LPIN2: variants seen among roughly 807,000 people sequenced by gnomAD.
LPIN2 encodes lipin 2, also known as phosphatidate phosphatase LPIN2.
In LPIN2, 55 loss-of-function variants were observed where a neutral mutation model predicts 111.4. The ratio of observed to expected loss-of-function variants is 0.49; its 90% confidence interval spans 0.40 to 0.62. LPIN2 has a LOEUF of 0.62. Ranked by LOEUF, LPIN2 falls within the 20% of genes least tolerant of loss-of-function variation. The pLI is 0.00. For missense variants in LPIN2, 992 were observed against 1,112.1 expected, an observed-to-expected ratio of 0.89 and a Z score of 1.54; for synonymous variants, 425 against 414.0, an observed-to-expected ratio of 1.03 and a Z score of -0.32.
At chr18:2,966,904 G>A (rs2077812836) in intron 1 of LPIN2, 2 of 152,138 alleles carry the variant, frequency 1.3e-5, no homozygotes, top group African/African-American at 4.8e-5. Context: ...ATGGACATGA[G>A]GAGTATGCTA....
intron 3 of LPIN2, among the ~76,000 whole-genome samples, chr18:2,953,257 T>TA (rs1195045321): frequency 1.3e-5 from 2 of 152,200 alleles, no homozygotes; most frequent in African/African-American, 4.8e-5. Flanking sequence ...AAAACGAGGT[T>TA]AACATCAATA....
Position 2,921,619 on chromosome 18 carries a change from A to C in LPIN2, c.2356T>G (p.Phe786Val). ...REVIEKKPEK[F>V]KIECLNDIKN... ...ATATCATTTAGACACTCAATTTTGAACTTCTCTGGTTTCTTTTCTATCACT... is the reference window on the plus strand; with the variant it reads ...ATATCATTTAGACACTCAATTTTGACCTTCTCTGGTTTCTTTTCTATCACT... Residue 786 changes from phenylalanine (F) to valine (V), a missense_variant, in exon 18 of 20, where the codon TTC (phenylalanine) becomes GTC (valine). Transcript: ENST00000677752. 1 of 1,613,368 alleles carries C rather than the reference A, an allele frequency of 6.2e-7. No homozygotes were observed. Among genetic ancestry groups the C allele is most frequent in the Non-Finnish European group, 8.5e-7 (1 of 1,179,280 alleles).
chr18:2,925,645 C>T lies in LPIN2; in HGVS notation c.1794-277G>A, dbSNP rs2077120168. 6.6e-6 allele frequency among the ~76,000 whole-genome samples: 1 copy of T among 152,184 alleles called. No homozygotes were observed. The highest frequency in any genetic ancestry group is 6.5e-5 in the Admixed American group (1 of 15,288). ...GTGAATGCTAGAAGGTCTACTGACT[C>T]TTGTTGAAGAGGGTATGTATGTTTC... On this transcript the variant is annotated intron_variant, in intron 13 of 19. Transcript: ENST00000677752. This position sits in a 1 kb window ranked among gnomAD's most constrained non-coding sequence, Gnocchi z 4.1.
intron 4 of LPIN2, among the ~76,000 whole-genome samples, chr18:2,947,797 C>T (rs1261403226): frequency 6.6e-6 from 1 of 152,246 alleles, no homozygotes; most frequent in Non-Finnish European, 1.5e-5. Flanking sequence ...GTCCTCACAA[C>T]TGCAAAAGCA....
intron 7 of LPIN2, among the ~76,000 whole-genome samples, chr18:2,937,375 C>A (rs574968344): frequency 6.6e-6 from 1 of 151,978 alleles, no homozygotes; most frequent in African/African-American, 2.4e-5. Context: ...GAAATGCCAT[C>A]TCTATTAAAA....
chr18:2,985,982 G>A (rs1037176706), intron 1 of LPIN2, among the ~76,000 whole-genome samples: 16 of 152,130 alleles, frequency 1.1e-4, no homozygotes, highest in African/African-American at 3.9e-4. Context: ...AAGAACCTAA[G>A]TGCATTTCTG....
chr18:2,926,108 C>T (rs981043129), intron 13 of LPIN2, among the ~76,000 whole-genome samples: 2 of 152,150 alleles, frequency 1.3e-5, no homozygotes, highest in East Asian at 3.9e-4. Context: ...CTGAGTGACA[C>T]AGTGAGACTC....
At chr18:3,010,785 A>G (rs898474589) in intron 1 of LPIN2, among the ~76,000 whole-genome samples, 2 of 152,240 alleles carry the variant, frequency 1.3e-5, no homozygotes, top group Non-Finnish European at 2.9e-5. Context: ...GTGCTGATAT[A>G]TATTAGGAAA....
intron 1 of LPIN2, among the ~76,000 whole-genome samples, chr18:2,997,063 C>A (rs2078356750): frequency 6.6e-6 from 1 of 151,426 alleles, no homozygotes; most frequent in South Asian, 2.1e-4. Context: ...CTCATTGCAA[C>A]CTCCACCTCC....
chr18:2,960,450 A>ATT (rs2077695047), intron 2 of LPIN2, among the ~76,000 whole-genome samples, 199 bp downstream of exon 2: 1 of 151,884 alleles, frequency 6.6e-6, no homozygotes, highest in Non-Finnish European at 1.5e-5. Flanking sequence ...TGGTTTTCAA[A>ATT]GTAACTTCAA....
chr18:2,927,374 C>T (rs2077149276), intron 12 of LPIN2, among the ~76,000 whole-genome samples: 1 of 152,228 alleles, frequency 6.6e-6, no homozygotes, highest in African/African-American at 2.4e-5. Flanking sequence ...AGACGATAAC[C>T]TTCTGCTCCT....
rs1398701660 is a variant in LPIN2 at position 2,922,099 on chromosome 18, G to T, written c.2275C>A (p.Pro759Thr). The stretch of plus-strand genomic sequence containing the variant: ...GGGGACAGCATCAGGGGGCCCCGGG[G>T]CAAGATTGTGCCCTTGTCATTGACC... ...HWVNDKGTIL[P>T]RGPLMLSPSS... The change falls in exon 17 of 20, where the codon CCC (proline) becomes ACC (threonine). Residue 759 changes from proline (P) to threonine (T), a missense_variant. Physicochemically the swap from Pro to Thr is conservative, Grantham distance 38 (BLOSUM62 -1). Transcript: ENST00000677752. 1 of 1,613,926 alleles carries T rather than the reference G, an allele frequency of 6.2e-7. No homozygotes were observed. Among genetic ancestry groups the T allele is most frequent in the Non-Finnish European group, 8.5e-7 (1 of 1,180,020 alleles).
chr18:2,992,331 T>C (rs913060933), intron 1 of LPIN2, among the ~76,000 whole-genome samples: 1 of 152,228 alleles, frequency 6.6e-6, no homozygotes, highest in African/African-American at 2.4e-5. Context: ...ACAAATGTCA[T>C]ATGATTCCAA....
chr18:3,000,019 ATC>A (rs2078407596), intron 1 of LPIN2, among the ~76,000 whole-genome samples: 1 of 126,924 alleles, frequency 7.9e-6, no homozygotes, highest in Non-Finnish European at 1.7e-5. Flanking sequence ...GTGAGACCCT[ATC>A]TCTGTTTTGT....
At position 2,920,213 on chromosome 18, in the gene LPIN2, TGAGGTCA is replaced by T; in HGVS notation, c.*73_*79del. On this transcript the variant is annotated 3_prime_UTR_variant, in exon 20 of 20. Coordinates refer to ENST00000677752, the MANE Select transcript of LPIN2 (RefSeq NM_001375808.2). ...GTCCCCGCTGGGGAAGGCTGGTATC[TGAGGTCA>T]GCAGAAGAGCCAGCTGCCTTCCCTT... 1 of 1,586,152 alleles carries T rather than the reference TGAGGTCA, an allele frequency of 6.3e-7. No homozygotes were observed. Among genetic ancestry groups the T allele is most frequent in the Non-Finnish European group, 8.6e-7 (1 of 1,156,820 alleles).
chr18:2,997,298 T>G (rs562389895), intron 1 of LPIN2, among the ~76,000 whole-genome samples: 12 of 151,180 alleles, frequency 7.9e-5, no homozygotes, highest in Non-Finnish European at 1.8e-4. Context: ...TTGTTTTTTG[T>G]TTTTTTTTAG....
chr18:2,958,898 C>T (rs1347555384), intron 2 of LPIN2, among the ~76,000 whole-genome samples: 1 of 151,556 alleles, frequency 6.6e-6, no homozygotes, highest in Non-Finnish European at 1.5e-5. Flanking sequence ...AGGCCAGACA[C>T]TGATCCAATG....
chr18:2,995,920 G>C (rs1368515897), intron 1 of LPIN2, among the ~76,000 whole-genome samples: 2 of 152,144 alleles, frequency 1.3e-5, no homozygotes, highest in African/African-American at 4.8e-5. Flanking sequence ...GTAAGTTTCT[G>C]GTCATATTCC....
At chr18:2,928,721 AG>A (rs1160153701) in intron 10 of LPIN2, 61 bp from the exon 11 acceptor site, 1 of 1,044,374 alleles carries the variant, frequency 9.6e-7, no homozygotes. Flanking sequence ...GAGAGAGGGG[AG>A]GGAATCAGGG....
Sources: gnomAD v4.1 joint callset for allele counts (sites outside exome capture counted in the v4.1 genomes callset) on GRCh38, gnomAD v4.1.1 for gene constraint, Gnocchi (gnomAD v3.1) non-coding constraint, MANE v1.5 for transcripts, NCBI Gene and HGNC (gene_info 2026-07-23, HGNC 2026-07-21) for gene names.